The following C1orf146 variants were observed in gnomAD, a reference collection of about 807,000 sequenced individuals.
The protein encoded by C1orf146 is protein SPO16 homolog.
Under a neutral mutation model 23.0 loss-of-function variants are expected in C1orf146, and 22 were observed. That is an observed-to-expected ratio of 0.96 (90% CI 0.68 to 1.36). The LOEUF (loss-of-function observed/expected upper bound fraction) is 1.36, where lower values mean the gene tolerates loss of function less well. Ranked by LOEUF, C1orf146 falls within the 40% of genes most tolerant of loss-of-function variation. The pLI is 0.00. For missense variants in C1orf146, 199 were observed against 206.8 expected (o/e 0.96, Z 0.23); for synonymous variants, 59 against 65.3 (o/e 0.90, Z 0.47).
At chr1:92,229,050 T>G in intron 1 of C1orf146, 2 of 487,538 alleles carry the variant, frequency 4.1e-6, no homozygotes, top group South Asian at 3.5e-5. Context: ...GGGGCCCAAC[T>G]TGTCATACTC....
At chr1:92,232,328 C>G (rs1652148545) in intron 2 of C1orf146, among the ~76,000 whole-genome samples, 1 of 145,880 alleles carries the variant, frequency 6.9e-6, no homozygotes, top group Admixed American at 7.1e-5. Flanking sequence ...TCTCATTGTT[C>G]AATTTCCACC....
intron 1 of C1orf146, among the ~76,000 whole-genome samples, chr1:92,227,763 T>C (rs1291184723): frequency 1.3e-5 from 2 of 152,204 alleles, no homozygotes; most frequent in Non-Finnish European, 1.5e-5. Flanking sequence ...CATGTTTCTA[T>C]TGAGAAGTCA....
chr1:92,230,477 G>A (rs1489218158), intron 1 of C1orf146, among the ~76,000 whole-genome samples: 3 of 152,046 alleles, frequency 2.0e-5, no homozygotes, highest in Admixed American at 2.0e-4. Context: ...TTAGCTGGGT[G>A]TGGTGGGGGG....
At chr1:92,239,012 C>T (rs1652365324) in intron 2 of C1orf146, among the ~76,000 whole-genome samples, 1 of 152,142 alleles carries the variant, frequency 6.6e-6, no homozygotes, top group Non-Finnish European at 1.5e-5. Flanking sequence ...ATTGCCTTGG[C>T]CTCCCAAAGT....
rs550217292 is a variant in C1orf146 at position 92,244,343 on chromosome 1, A to G, written c.287A>G (p.His96Arg). 6.2e-6 allele frequency: 10 copies of G among 1,612,858 alleles called. No individual in the cohort carries two copies. The African/African-American group carries it at 1.2e-4, about 19-fold the overall frequency. ...TTTTTGGTTTTGTCTGCTGCCCTCCATGGGCCTGAAGAATGGAAACTGATG... is the reference window on the plus strand; with the variant it reads ...TTTTTGGTTTTGTCTGCTGCCCTCCGTGGGCCTGAAGAATGGAAACTGATG... ...NSFLVLSAAL[H>R]GPEEWKLMFR... Residue 96 changes from histidine (H) to arginine (R), a missense_variant, in exon 4 of 6, where the codon CAT (histidine) becomes CGT (arginine). Transcript: ENST00000370375.
chr1:92,233,855 T>G (rs1652198303), intron 2 of C1orf146, among the ~76,000 whole-genome samples: 1 of 152,224 alleles, frequency 6.6e-6, no homozygotes, highest in East Asian at 1.9e-4. Context: ...CCTAGGTATT[T>G]TATTCTCTTT....
intron 1 of C1orf146, among the ~76,000 whole-genome samples, chr1:92,220,402 A>C (rs1192025485): frequency 6.6e-6 from 1 of 152,130 alleles, no homozygotes; most frequent in East Asian, 1.9e-4. Context: ...TCATTAGGTG[A>C]TTTTGTCATT....
intron 2 of C1orf146, among the ~76,000 whole-genome samples, chr1:92,238,111 T>G (rs745926628): frequency 6.6e-6 from 1 of 152,160 alleles, no homozygotes; most frequent in South Asian, 2.1e-4. Flanking sequence ...GTATTTTTAG[T>G]AGAGACGGGG....
At chr1:92,236,099 C>T (rs1472799565) in intron 2 of C1orf146, among the ~76,000 whole-genome samples, 3 of 152,126 alleles carry the variant, frequency 2.0e-5, no homozygotes, top group East Asian at 1.9e-4. Flanking sequence ...GAGCATTTAG[C>T]CCATTTACAT....
chr1:92,235,451 T>A (rs1309801662), intron 2 of C1orf146, among the ~76,000 whole-genome samples: 4 of 152,272 alleles, frequency 2.6e-5, no homozygotes, highest in African/African-American at 7.2e-5. Context: ...GAGTTCTAGT[T>A]TGATTGCACT....
chr1:92,227,823 G>C (rs890052518), intron 1 of C1orf146, among the ~76,000 whole-genome samples: 14 of 151,596 alleles, frequency 9.2e-5, no homozygotes, highest in African/African-American at 2.2e-4. Flanking sequence ...TTTTTCACTG[G>C]CTCCTTTGAA....
Position 92,229,911 on chromosome 1 carries a change from A to G in C1orf146, c.-39-1471A>G, listed in dbSNP as rs997165434. 3.3e-5 allele frequency among the ~76,000 whole-genome samples: 5 copies of G among 152,326 alleles called. No individual in the cohort carries two copies. The East Asian group carries it at 7.7e-4, about 23-fold the overall frequency. On this transcript the variant is annotated intron_variant, in intron 1 of 5. Transcript: ENST00000370375. ...GTTTTCAGTCTCAATGAAATTAGAA[A>G]AGTAGCAGATTTAGAGCTCAGTGAG...
intron 2 of C1orf146, among the ~76,000 whole-genome samples, chr1:92,238,015 C>T (rs1315413664): frequency 2.6e-5 from 4 of 152,110 alleles, no homozygotes; most frequent in Non-Finnish European, 4.4e-5. Context: ...CTGCAACCTC[C>T]GCCTCTCGGG....
intron 1 of C1orf146, among the ~76,000 whole-genome samples, chr1:92,222,979 G>A (rs1651873586): frequency 6.6e-6 from 1 of 152,092 alleles, no homozygotes; most frequent in African/African-American, 2.4e-5. Flanking sequence ...ATTTTTTAGA[G>A]TGACTCGGGT....
rs1486998303 is a variant in C1orf146, at chr1:92,244,776, C to T, written c.330-3C>T. The T allele has an allele frequency of 6.3e-7, 1 of 1,586,710 alleles. No homozygotes were observed. Among genetic ancestry groups the T allele is most frequent in the South Asian group, 1.1e-5 (1 of 89,748 alleles). On this transcript the variant is annotated splice_polypyrimidine_tract_variant and splice_region_variant and intron_variant, in intron 4 of 5. Transcript: ENST00000370375. Reference sequence around the variant, plus strand: ...GATCTGTATAACATGAATTGTTTTTCAGATTCCTGGGTTGTAACTTACGAA... The same window carrying T: ...GATCTGTATAACATGAATTGTTTTTTAGATTCCTGGGTTGTAACTTACGAA...
chr1:92,231,296 C>T (rs1652114037), intron 1 of C1orf146, 86 bp from the exon 2 acceptor site: 1 of 619,340 alleles, frequency 1.6e-6, no homozygotes. Context: ...TTTAAAATGT[C>T]TCCAATACCC....
At chr1:92,244,663 G>T in intron 4 of C1orf146, 116 bp from the exon 5 acceptor site, 1 of 686,446 alleles carries the variant, frequency 1.5e-6, no homozygotes. Context: ...GAGTAAGGCA[G>T]GGCATGAATG....
chr1:92,231,401 C>A lies in C1orf146; in HGVS notation c.-20C>A. On this transcript the variant is annotated 5_prime_UTR_variant, in exon 2 of 6. Transcript: ENST00000370375. The stretch of plus-strand genomic sequence containing the variant: ...TCTCAGATTGTTGCACCATTAGAAG[C>A]TAGGTTGATCCACAGACAGATGGCT... 2 of 1,570,926 alleles carry A rather than the reference C, an allele frequency of 1.3e-6. No homozygotes were observed. The highest frequency in any genetic ancestry group is 2.3e-5 in the East Asian group (1 of 43,652).
At position 92,217,995 on chromosome 1, in the gene C1orf146, A is replaced by G. The variant is rs1473356980; in HGVS notation, c.-93A>G. ...CGGCGGCGCCTCTCACTGCTCACGG[A>G]ACGTTCTGGAAGTTTGGGAAACCCT... On this transcript the variant is annotated 5_prime_UTR_variant, in exon 1 of 6. Coordinates refer to ENST00000370375, the MANE Select transcript of C1orf146 (RefSeq NM_001012425.2). 1 of 152,238 alleles carries G rather than the reference A, an allele frequency of 6.6e-6. No individual in the cohort carries two copies. The highest frequency in any genetic ancestry group is 1.5e-5 in the Non-Finnish European group (1 of 68,082). The allele number at this position is 152,238 out of a possible 1,614,324, so 9.4% of individuals were successfully genotyped here.
Sources: allele counts gnomAD v4.1 joint callset (sites outside exome capture counted in the v4.1 genomes callset), GRCh38; gene constraint gnomAD v4.1.1; transcripts MANE v1.5; gene names NCBI Gene and HGNC (gene_info 2026-07-23, HGNC 2026-07-21).